Variants in SORBS2 observed in about 807,000 individuals in gnomAD.
The protein encoded by SORBS2 is sorbin and SH3 domain containing 2, also known as sorbin and SH3 domain-containing protein 2.
In SORBS2, 46 loss-of-function variants were observed where a neutral mutation model predicts 97.7. That is an observed-to-expected ratio of 0.47 (90% CI 0.37 to 0.60). The LOEUF is 0.60. SORBS2 is among the 20% of genes least tolerant of loss of function. The pLI, the probability that SORBS2 is intolerant of heterozygous loss-of-function variation, is 0.00. For synonymous variants in SORBS2, 476 were observed against 473.4 expected (o/e 1.01, Z -0.07); for missense variants, 1,316 against 1,282.3 (o/e 1.03, Z -0.40).
At chr4:185,622,806 G>T in intron 7 of SORBS2, 108 bp downstream of exon 19, 1 of 1,159,152 alleles carries the variant, frequency 8.6e-7, no homozygotes, top group Non-Finnish European at 1.2e-6. Context: ...ACATAACGAC[G>T]CCAAATGGTC....
In SORBS2 at chr4:185,614,830, C is replaced by G; in HGVS notation, c.2595+1G>C. 6.2e-7 allele frequency: 1 copy of G among 1,613,914 alleles called. No individual in the cohort carries two copies. Among genetic ancestry groups the G allele is most frequent in the Non-Finnish European group, 8.5e-7 (1 of 1,179,872 alleles). The stretch of plus-strand genomic sequence containing the variant: ...AACAAACAAAAAACCAGCTGGGCTA[C>G]CTTTCTCAGTGACAGCTCCACATTT... On this transcript the variant is annotated splice_donor_variant, in intron 11 of 14. Transcript: ENST00000418609. LOFTEE classifies it high-confidence loss of function.
chr4:185,677,950 A>C (rs2097819332), intron 4 of SORBS2, among the ~76,000 whole-genome samples: 1 of 151,626 alleles, frequency 6.6e-6, no homozygotes, highest in Admixed American at 6.6e-5. Flanking sequence ...CTCTTGGCAT[A>C]TTTTATTAGA....
At chr4:185,811,036 C>G (rs994989642) in intron 1 of SORBS2, 3 of 152,156 alleles carry the variant, frequency 2.0e-5, no homozygotes, top group African/African-American at 7.2e-5. Flanking sequence ...TCTGGGCCAG[C>G]AAGGCATGCA....
In SORBS2 at chr4:185,589,668, A is replaced by C; in HGVS notation, c.2953+11T>G. 2.6e-6 allele frequency: 4 copies of C among 1,513,426 alleles called. No individual in the cohort carries two copies. The highest frequency in any genetic ancestry group is 3.7e-6 in the Non-Finnish European group (4 of 1,088,584). 93.7% of individuals were successfully genotyped at this position (1,513,426 alleles called of 1,614,324 possible). On this transcript the variant is annotated intron_variant, in intron 14 of 14. Transcript: ENST00000418609. Reference sequence around the variant, plus strand: ...AATAGCCGAAGGTGCCTGAGGAAGAAGCGCACATACCCACAAACCAGCCGT... The same window carrying C: ...AATAGCCGAAGGTGCCTGAGGAAGACGCGCACATACCCACAAACCAGCCGT...
chr4:185,590,649 G>A (rs1237907225), intron 13 of SORBS2, among the ~76,000 whole-genome samples: 6 of 152,102 alleles, frequency 3.9e-5, no homozygotes, highest in African/African-American at 1.4e-4. Flanking sequence ...TGAATTCTTT[G>A]ACAGCATATA....
chr4:185,713,298 G>A (rs2098439187), intron 2 of SORBS2, among the ~76,000 whole-genome samples: 1 of 152,156 alleles, frequency 6.6e-6, no homozygotes. Context: ...CAGCACCTCT[G>A]TATCAGAGAC....
intron 1 of SORBS2, among the ~76,000 whole-genome samples, chr4:185,837,005 C>T: frequency 6.6e-6 from 1 of 152,168 alleles, no homozygotes; most frequent in Non-Finnish European, 1.5e-5. Flanking sequence ...CATCTACTTA[C>T]TGCCCTTCAC....
intron 7 of SORBS2, among the ~76,000 whole-genome samples, chr4:185,620,858 GCAT>G (rs1324572582): frequency 6.6e-6 from 1 of 152,196 alleles, no homozygotes; most frequent in African/African-American, 2.4e-5. Context: ...TAAACAGAAA[GCAT>G]CATGTCAGTT....
At chr4:185,638,436 C>A (rs1581545957) in intron 4 of SORBS2, among the ~76,000 whole-genome samples, 2 of 152,300 alleles carry the variant, frequency 1.3e-5, no homozygotes, top group Non-Finnish European at 2.9e-5. Context: ...TTGAGTTGAT[C>A]CACTTACGCT....
chr4:185,639,327 G>C (rs1561588641), intron 4 of SORBS2, among the ~76,000 whole-genome samples: 1 of 152,270 alleles, frequency 6.6e-6, no homozygotes, highest in East Asian at 1.9e-4. Context: ...GGGAGCCTGG[G>C]GTAAAATCCC....
chr4:185,597,682 T>C (rs1301607634), intron 12 of SORBS2, among the ~76,000 whole-genome samples: 1 of 152,188 alleles, frequency 6.6e-6, no homozygotes, highest in African/African-American at 2.4e-5. Context: ...AAATAGATTA[T>C]CTGGGGAGAC....
intron 5 of SORBS2, 52 bp from the exon 18 acceptor site, chr4:185,627,071 T>C: frequency 6.4e-7 from 1 of 1,561,948 alleles, no homozygotes; most frequent in Non-Finnish European, 8.8e-7. Context: ...GGTTCGGGTG[T>C]GCACCAGAAA....
chr4:185,810,342 G>A (rs2099174755), intron 1 of SORBS2, among the ~76,000 whole-genome samples: 1 of 152,320 alleles, frequency 6.6e-6, no homozygotes, highest in South Asian at 2.1e-4. Flanking sequence ...GGCGGTTCCT[G>A]CCCATATCTA....
intron 4 of SORBS2, among the ~76,000 whole-genome samples, chr4:185,672,441 G>A (rs149916001): frequency 6.6e-5 from 10 of 152,206 alleles, no homozygotes; most frequent in African/African-American, 1.2e-4. Flanking sequence ...TTTCCAAAGT[G>A]TCTGGCTTAT....
chr4:185,798,583 T>A (rs2099116416), intron 1 of SORBS2, among the ~76,000 whole-genome samples: 1 of 152,170 alleles, frequency 6.6e-6, no homozygotes, highest in African/African-American at 2.4e-5. Context: ...TTAAAAAAAG[T>A]GGATCTTTCT....
intron 2 of SORBS2, among the ~76,000 whole-genome samples, chr4:185,731,021 T>G (rs2098618514): frequency 6.6e-6 from 1 of 152,268 alleles, no homozygotes; most frequent in Non-Finnish European, 1.5e-5. Flanking sequence ...AAATGACTCA[T>G]GCAAATGACT....
At chr4:185,819,365 G>A (rs911324090) in intron 1 of SORBS2, among the ~76,000 whole-genome samples, 1 of 152,212 alleles carries the variant, frequency 6.6e-6, no homozygotes, top group Non-Finnish European at 1.5e-5. Flanking sequence ...GAAGAGGAGA[G>A]GGAGAGCCAA....
intron 2 of SORBS2, among the ~76,000 whole-genome samples, chr4:185,690,029 G>C (rs998381280): frequency 5.3e-5 from 8 of 152,166 alleles, no homozygotes; most frequent in African/African-American, 1.7e-4. Context: ...AGACAATACA[G>C]TTTAGAGACA....
chr4:185,614,636 T>C lies in SORBS2; in HGVS notation c.2595+195A>G, dbSNP rs1050155043. On this transcript the variant is annotated intron_variant, in intron 11 of 14. Coordinates refer to ENST00000418609, the Ensembl canonical transcript of SORBS2. ...AGCCTGGTATCCCACGGGGAACTCC[T>C]CTAAAAGGACACAGGGACCAGCAGG... is the stretch of plus-strand genomic sequence containing the variant. 7.9e-6 allele frequency: 5 copies of C among 629,408 alleles called. No homozygotes were observed. In the African/African-American group the frequency reaches 9.2e-5, roughly 12 times the overall value. 39.0% of individuals were successfully genotyped at this position (629,408 alleles called of 1,614,324 possible).
Sources: allele counts gnomAD v4.1 joint callset (sites outside exome capture counted in the v4.1 genomes callset), GRCh38; gene constraint gnomAD v4.1.1; transcripts MANE v1.5; gene names NCBI Gene and HGNC (gene_info 2026-07-23, HGNC 2026-07-21).